Variants in DCSTAMP observed in about 807,000 individuals in gnomAD.
DCSTAMP encodes the protein dendritic cell-specific transmembrane protein.
DCSTAMP carries 25 observed loss-of-function variants against 33.8 expected under a neutral mutation model. The observed-to-expected ratio is 0.74, with a 90% confidence interval of 0.54 to 1.03. The LOEUF (loss-of-function observed/expected upper bound fraction) is 1.03. DCSTAMP is among the 50% of genes least tolerant of loss of function. DCSTAMP has a pLI of 0.00. For missense variants in DCSTAMP, 531 were observed against 556.8 expected (o/e 0.95, Z 0.47); for synonymous variants, 245 against 216.7 (o/e 1.13, Z -1.15).
In DCSTAMP at chr8:104,356,203, C is replaced by T. The variant is rs755206468; in HGVS notation, c.*5C>T. 2.3e-5 allele frequency: 37 copies of T among 1,610,260 alleles called. No individual in the cohort carries two copies. In the Middle Eastern group the frequency reaches 5.0e-4, roughly 22 times the overall value. ...GCAAGTGCAGACAAGTCATGAGAGA[C>T]CCCGACTACTCCTCAGCCACATCGC... On this transcript the variant is annotated 3_prime_UTR_variant, in exon 4 of 4. Transcript: ENST00000297581.
intron 3 of DCSTAMP, 28 bp downstream of exon 3, chr8:104,355,213 CA>C: frequency 6.3e-7 from 1 of 1,580,946 alleles, no homozygotes. Flanking sequence ...GTGTAACCTC[CA>C]ATTGAGGAAG....
intron 1 of DCSTAMP, among the ~76,000 whole-genome samples, chr8:104,344,594 C>G (rs892013152): frequency 6.6e-6 from 1 of 152,092 alleles, no homozygotes; most frequent in African/African-American, 2.4e-5. Context: ...CAGGGGCCAC[C>G]CTAAACCTTC....
Position 104,349,167 on chromosome 8 carries a change from G to A in DCSTAMP, c.615G>A (p.Glu205=), listed in dbSNP as rs1231031448. 4 of 1,614,096 alleles carry A rather than the reference G, an allele frequency of 2.5e-6. No individual in the cohort carries two copies. Among genetic ancestry groups the A allele is most frequent in the African/African-American group, 1.3e-5 (1 of 74,930 alleles). ...TGTACCAGATGGCAACAACCACAGA[G>A]GTGTTGTCCTCCCTGGGTCAGAAGC... ...SVLYQMATTT[E]VLSSLGQKLL... The change falls in exon 2 of 4, where the codon GAG becomes GAA. Residue 205 remains glutamate (E), a synonymous_variant. Transcript: ENST00000297581.
intron 1 of DCSTAMP, among the ~76,000 whole-genome samples, chr8:104,345,551 G>A (rs1006087226): frequency 6.6e-6 from 1 of 152,116 alleles, no homozygotes; most frequent in Non-Finnish European, 1.5e-5. Flanking sequence ...CTTCTTACAG[G>A]ACAAAATTGC....
At chr8:104,349,678 T>A (rs1810412835) in intron 2 of DCSTAMP, 97 bp downstream of exon 2, 1 of 1,375,448 alleles carries the variant, frequency 7.3e-7, no homozygotes, top group African/African-American at 1.5e-5. Flanking sequence ...AGTGGCTCAT[T>A]CACCTTTGCA....
rs76137705 is a variant in DCSTAMP, at chr8:104,356,523, T to G, written c.*325T>G. ...CAAGGAAAAGAAAACGAAAACAGTT[T>G]AAATCTCTACCACAGCCTCACAAGC... On this transcript the variant is annotated 3_prime_UTR_variant, in exon 4 of 4. Coordinates refer to ENST00000297581, the MANE Select transcript of DCSTAMP (RefSeq NM_030788.4). 23 of 171,962 alleles carry G rather than the reference T, an allele frequency of 1.3e-4. No individual in the cohort carries two copies. Among genetic ancestry groups the G allele is most frequent in the Middle Eastern group, 2.6e-3 (1 of 386 alleles). 10.7% of individuals were successfully genotyped at this position (171,962 alleles called of 1,614,324 possible).
At position 104,349,423 on chromosome 8, in the gene DCSTAMP, A is replaced by C; in HGVS notation, c.871A>C (p.Lys291Gln). 2.5e-6 allele frequency: 4 copies of C among 1,614,216 alleles called. No homozygotes were observed. The highest frequency in any genetic ancestry group is 3.4e-6 in the Non-Finnish European group (4 of 1,180,042). Residue 291 changes from lysine (K) to glutamine (Q), a missense_variant, in exon 2 of 4, where the codon AAA (lysine) becomes CAA (glutamine). By Grantham distance (53) the Lys-to-Gln change is moderately conservative. Transcript: ENST00000297581. ...TTTCTGGCCGACTCCTAAAGAAAGG[A>C]AAAACCTGGGGCTGTTTTTCCTCCC... Reference protein sequence around the residue: ...PTFWPTPKERKNLGLFFLPIL... With the variant: ...PTFWPTPKERQNLGLFFLPIL...
chr8:104,340,192 G>A (rs1023158325), intron 1 of DCSTAMP: 4 of 152,186 alleles, frequency 2.6e-5, no homozygotes, highest in Admixed American at 2.6e-4. Context: ...TGCAGCTCCC[G>A]GCACCTGGCA....
intron 1 of DCSTAMP, among the ~76,000 whole-genome samples, chr8:104,346,317 C>G (rs1810312905): frequency 6.6e-6 from 1 of 152,250 alleles, no homozygotes; most frequent in South Asian, 2.1e-4. Flanking sequence ...GCCACAGCTC[C>G]TGACTTGGTC....
At chr8:104,342,824 G>A (rs931354879) in intron 1 of DCSTAMP, among the ~76,000 whole-genome samples, 26 of 152,216 alleles carry the variant, frequency 1.7e-4, no homozygotes, top group Non-Finnish European at 3.5e-4. Flanking sequence ...ATGGGCCTGC[G>A]TCCGGGGTGC....
At chr8:104,351,413 A>G (rs1810460980) in intron 2 of DCSTAMP, among the ~76,000 whole-genome samples, 1 of 152,212 alleles carries the variant, frequency 6.6e-6, no homozygotes, top group Non-Finnish European at 1.5e-5. Context: ...GGCTTAGCCT[A>G]GGAGGGTTCT....
intron 2 of DCSTAMP, among the ~76,000 whole-genome samples, chr8:104,350,705 A>G (rs1205816755): frequency 2.6e-5 from 4 of 152,180 alleles, no homozygotes; most frequent in African/African-American, 4.8e-5. Context: ...TGTGATTTCA[A>G]GGTAGGTGGT....
chr8:104,344,931 GTACAATCC>G (rs1810260414), intron 1 of DCSTAMP, among the ~76,000 whole-genome samples: 1 of 152,060 alleles, frequency 6.6e-6, no homozygotes, highest in Non-Finnish European at 1.5e-5. Flanking sequence ...TTGGAGGTTG[GTACAATCC>G]AGCTCCTATC....
chr8:104,348,301 G>A (rs186533266), intron 1 of DCSTAMP, among the ~76,000 whole-genome samples: 15 of 152,142 alleles, frequency 9.9e-5, no homozygotes, highest in Non-Finnish European at 1.6e-4. Context: ...CATTTCTGCC[G>A]CATTCGATTG....
intron 1 of DCSTAMP, among the ~76,000 whole-genome samples, chr8:104,340,895 C>T (rs537527521): frequency 1.3e-5 from 2 of 152,346 alleles, no homozygotes; most frequent in Middle Eastern, 3.4e-3. Flanking sequence ...ACAGAAAGAA[C>T]AGAGTGCTTG....
At chr8:104,349,890 C>T (rs985290514) in intron 2 of DCSTAMP, among the ~76,000 whole-genome samples, 2 of 152,128 alleles carry the variant, frequency 1.3e-5, no homozygotes, top group African/African-American at 4.8e-5. Context: ...AAGTGAGTGT[C>T]GCTGGCCTGA....
At chr8:104,342,167 A>G (rs1397916794) in intron 1 of DCSTAMP, among the ~76,000 whole-genome samples, 1 of 152,168 alleles carries the variant, frequency 6.6e-6, no homozygotes, top group Admixed American at 6.5e-5. Context: ...GTGAGACTGG[A>G]ACTTGGTTTA....
At chr8:104,346,919 C>A (rs1221143210) in intron 1 of DCSTAMP, among the ~76,000 whole-genome samples, 1 of 152,246 alleles carries the variant, frequency 6.6e-6, no homozygotes, top group Non-Finnish European at 1.5e-5. Context: ...AATTCACTGG[C>A]TCTCACTGTA....
intron 3 of DCSTAMP, 84 bp downstream of exon 3, chr8:104,355,269 A>G (rs1033499743): frequency 1.4e-6 from 2 of 1,409,758 alleles, no homozygotes; most frequent in South Asian, 1.4e-5. Flanking sequence ...CGAAGCATTT[A>G]ATGCTTCAAC....
Sources: gnomAD v4.1 joint callset for allele counts (sites outside exome capture counted in the v4.1 genomes callset) on GRCh38, gnomAD v4.1.1 for gene constraint, MANE v1.5 for transcripts, NCBI Gene and HGNC (gene_info 2026-07-23, HGNC 2026-07-21) for gene names.